The following SIK3 variants were observed in gnomAD, a reference collection of about 807,000 sequenced individuals.
SIK3 encodes serine/threonine-protein kinase SIK3.
SIK3 carries 28 observed loss-of-function variants against 144.2 expected under a neutral mutation model. The observed-to-expected ratio is 0.19, with a 90% CI of 0.14 to 0.27. SIK3 has a LOEUF of 0.27. Ranked by LOEUF, SIK3 falls within the 10% of genes least tolerant of loss-of-function variation. The pLI is 1.00. For missense variants in SIK3, 1,319 were observed against 1,776.0 expected, an observed-to-expected ratio of 0.74 and a Z score of 4.62; for synonymous variants, 686 against 676.3, an observed-to-expected ratio of 1.01 and a Z score of -0.22.
chr11:116,857,362 AAATCAG>A (rs1943008651), intron 21 of SIK3: 2 of 178,762 alleles, frequency 1.1e-5, no homozygotes, highest in Admixed American at 5.4e-5. Context: ...CAGATGAGGA[AAATCAG>A]AATCAGAGGG....
intron 4 of SIK3, among the ~76,000 whole-genome samples, chr11:116,920,640 C>T (rs1421463841): frequency 2.0e-5 from 3 of 152,298 alleles, no homozygotes; most frequent in South Asian, 2.1e-4. Flanking sequence ...TGCTGGAATT[C>T]TCTCCTCTAC....
chr11:116,969,761 C>G (rs1291746546), intron 1 of SIK3, among the ~76,000 whole-genome samples: 1 of 152,058 alleles, frequency 6.6e-6, no homozygotes, highest in Non-Finnish European at 1.5e-5. Flanking sequence ...ACACATAAGA[C>G]AGAAAAAAGA....
intron 3 of SIK3, among the ~76,000 whole-genome samples, chr11:116,933,373 T>A (rs1947729299): frequency 6.6e-6 from 1 of 152,020 alleles, no homozygotes; most frequent in East Asian, 1.9e-4. Context: ...ACTCCTGACC[T>A]CGTGCTCCAC....
intron 21 of SIK3, among the ~76,000 whole-genome samples, chr11:116,851,540 T>C (rs561315396): frequency 4.1e-4 from 62 of 152,298 alleles, no homozygotes; most frequent in Non-Finnish European, 4.4e-5. Context: ...TTGCTAGTAA[T>C]GCAAGACATT....
intron 1 of SIK3, among the ~76,000 whole-genome samples, chr11:117,051,926 G>A (rs184793043): frequency 3.3e-3 from 502 of 151,736 alleles, no homozygotes; most frequent in Non-Finnish European, 5.6e-3. Flanking sequence ...GGTGGATCAC[G>A]AGGTCAGGAG....
At chr11:116,943,025 G>A (rs1286652073) in intron 3 of SIK3, among the ~76,000 whole-genome samples, 1 of 152,142 alleles carries the variant, frequency 6.6e-6, no homozygotes, top group Non-Finnish European at 1.5e-5. Context: ...TGGTAGTTAT[G>A]GAGGTGGTGA....
chr11:116,858,551 G>C lies in SIK3; in HGVS notation c.2914C>G (p.Pro972Ala). Residue 972 changes from proline (P) to alanine (A), a missense_variant, in exon 21 of 25, where the codon CCA (proline) becomes GCA (alanine). Pro to Ala is a conservative substitution (Grantham distance 27). Coordinates refer to ENST00000445177, the MANE Select transcript of SIK3 (RefSeq NM_001366686.3). The surrounding 1 kb of genome is among the most constrained non-coding windows in gnomAD (Gnocchi z 5.4). The stretch of plus-strand genomic sequence containing the variant: ...GGGAAGGTGGGGAATTGGTCAAGTG[G>C]AGGGACTTTCAGGGCTTGGGTTGGA... Reference protein sequence around the residue: ...FSPTQALKVPPLDQFPTFPPS... With the variant: ...FSPTQALKVPALDQFPTFPPS... The C allele has an allele frequency of 1.2e-6, 2 of 1,613,852 alleles. No individual in the cohort carries two copies. Among genetic ancestry groups the C allele is most frequent in the Non-Finnish European group, 1.7e-6 (2 of 1,179,944 alleles).
In SIK3 at chr11:116,904,950, G is replaced by A. The variant is rs1048557147; in HGVS notation, c.617-7633C>T. The A allele has an allele frequency of 9.0e-5, 15 of 167,066 alleles. No homozygotes were observed. The East Asian group carries it at 9.6e-4, about 11-fold the overall frequency. The allele number at this position is 167,066 out of a possible 1,614,324, so 10.3% of individuals were successfully genotyped here. A position where few individuals can be genotyped will look rare whatever the true frequency, so the allele number is the denominator to read the frequency against. On this transcript the variant is annotated intron_variant, in intron 4 of 24. Coordinates refer to ENST00000445177, the MANE Select transcript of SIK3 (RefSeq NM_001366686.3). ...AGTGTAATGCCCAGCGGCTTTTAGC[G>A]CATTCACAGAGTTGTGCGACGATGA...
At chr11:117,022,274 T>A (rs1226271928) in intron 1 of SIK3, among the ~76,000 whole-genome samples, 1 of 150,372 alleles carries the variant, frequency 6.7e-6, no homozygotes, top group African/African-American at 2.5e-5. Flanking sequence ...TTATAATAAT[T>A]CATCAAATCT....
At chr11:117,052,894 G>A (rs1953325410) in intron 1 of SIK3, among the ~76,000 whole-genome samples, 1 of 152,204 alleles carries the variant, frequency 6.6e-6, no homozygotes, top group African/African-American at 2.4e-5. Context: ...CTGCTGCAAT[G>A]CAGGAGGACC....
intron 8 of SIK3, 48 bp from the exon 9 acceptor site, chr11:116,876,057 T>C: frequency 6.2e-7 from 1 of 1,608,626 alleles, no homozygotes; most frequent in Non-Finnish European, 8.5e-7. Context: ...TGAAATGGCA[T>C]GTTGATGACC....
chr11:116,872,781 G>T (rs1944033649), intron 13 of SIK3, among the ~76,000 whole-genome samples: 1 of 152,164 alleles, frequency 6.6e-6, no homozygotes, highest in African/African-American at 2.4e-5. Flanking sequence ...TTAAAGGAGG[G>T]AAAAGGGTCC....
chr11:117,001,752 G>C (rs1214654142), intron 1 of SIK3, among the ~76,000 whole-genome samples: 6 of 152,012 alleles, frequency 3.9e-5, no homozygotes, highest in African/African-American at 1.4e-4. Flanking sequence ...CACTGTACCT[G>C]GCCTAGGTCA....
In SIK3 at chr11:117,075,994, G is replaced by A. The variant is rs188456218; in HGVS notation, c.273+22149C>T. Among the ~76,000 whole-genome samples the A allele has an allele frequency of 3.6e-4, 55 of 151,578 alleles. 1 individual carries two copies. Among genetic ancestry groups the A allele is most frequent in the Non-Finnish European group, 4.6e-4 (31 of 67,848 alleles). ...CTCTCTAGTAGCTGGGATTACAGGC[G>A]CCTGCCACCATGGCTGGCTAATTTT... On this transcript the variant is annotated intron_variant, in intron 1 of 24. Transcript: ENST00000445177.
chr11:117,097,683 G>A (rs1282164068), intron 1 of SIK3, among the ~76,000 whole-genome samples: 1 of 151,986 alleles, frequency 6.6e-6, no homozygotes, highest in Non-Finnish European at 1.5e-5. Flanking sequence ...CAGCCGTCCT[G>A]GGTCCCCTTA....
At chr11:116,943,384 A>T (rs1948418459) in intron 3 of SIK3, among the ~76,000 whole-genome samples, 1 of 152,152 alleles carries the variant, frequency 6.6e-6, no homozygotes, top group African/African-American at 2.4e-5. Flanking sequence ...TCCCATTGAT[A>T]ATCACTTTTC....
In SIK3 at chr11:116,867,823, T is replaced by A; in HGVS notation, c.1952+123A>T. On this transcript the variant is annotated intron_variant, in intron 15 of 24. Coordinates refer to ENST00000445177, the MANE Select transcript of SIK3 (RefSeq NM_001366686.3). This position sits in a 1 kb window ranked among gnomAD's most constrained non-coding sequence, Gnocchi z 4.1. ...CTGCAAGGAGCTGAGAAGATGTGAG[T>A]TCAGGATGACAGCTGGCTTCTATTT... is the stretch of plus-strand genomic sequence containing the variant. 1 of 1,030,710 alleles carries A rather than the reference T, an allele frequency of 9.7e-7. No homozygotes were observed. The allele number at this position is 1,030,710 out of a possible 1,614,324, so 63.8% of individuals were successfully genotyped here. A position where few individuals can be genotyped will look rare whatever the true frequency, so the allele number is the denominator to read the frequency against.
At position 116,859,249 on chromosome 11, in the gene SIK3, C is replaced by T. The variant is rs370015211; in HGVS notation, c.2765+16G>A. 23 of 1,586,352 alleles carry T rather than the reference C, an allele frequency of 1.4e-5. No individual in the cohort carries two copies. The highest frequency in any genetic ancestry group is 1.1e-4 in the African/African-American group (8 of 74,648). On this transcript the variant is annotated intron_variant, in intron 20 of 24. Coordinates refer to ENST00000445177, the MANE Select transcript of SIK3 (RefSeq NM_001366686.3). ...ATCCCATGCATAGATGGCTGGGTGA[C>T]GTTAGGCGGTCTTACCTGTGAGCCT... is the stretch of plus-strand genomic sequence containing the variant.
chr11:116,857,567 G>C, intron 21 of SIK3: 1 of 562,970 alleles, frequency 1.8e-6, no homozygotes, highest in Non-Finnish European at 2.9e-6. Flanking sequence ...GTATGAATAA[G>C]GGAAATGGAT....
Sources: gnomAD v4.1 joint callset for allele counts (sites outside exome capture counted in the v4.1 genomes callset) on GRCh38, gnomAD v4.1.1 for gene constraint, Gnocchi (gnomAD v3.1) non-coding constraint, MANE v1.5 for transcripts, NCBI Gene and HGNC (gene_info 2026-07-23, HGNC 2026-07-21) for gene names.